The following TEKT4 variants were observed in gnomAD, a reference collection of about 807,000 sequenced individuals.
TEKT4 encodes the protein tektin 4, also known as tektin-4.
TEKT4 carries 46 observed loss-of-function variants against 46.0 expected under a neutral mutation model. The ratio of observed to expected loss-of-function variants is 1.00; its 90% confidence interval spans 0.79 to 1.28. The LOEUF is 1.28. TEKT4 is among the 50% of genes most tolerant of loss of function. The pLI, the probability that TEKT4 is intolerant of heterozygous loss-of-function variation, is 0.00. For synonymous variants in TEKT4, 325 were observed against 265.8 expected (o/e 1.22, Z -2.17); for missense variants, 790 against 622.9 (o/e 1.27, Z -2.85).
intron 4 of TEKT4, 45 bp downstream of exon 4, chr2:94,875,043 G>A (rs781891315): frequency 6.5e-7 from 1 of 1,527,898 alleles, no homozygotes; most frequent in Non-Finnish European, 8.8e-7. Flanking sequence ...TCATCACCTG[G>A]CCTGGGCCCT....
At chr2:94,873,298 A>T in intron 1 of TEKT4, 1 of 1,403,182 alleles carries the variant, frequency 7.1e-7, no homozygotes, top group Non-Finnish European at 9.3e-7. Flanking sequence ...AGCAGCCCAC[A>T]GAAGGCCCTG....
chr2:94,873,460 G>A (rs1680670238), intron 1 of TEKT4, 60 bp from the exon 2 acceptor site: 7 of 1,610,606 alleles, frequency 4.3e-6, no homozygotes, highest in African/African-American at 1.3e-5. Flanking sequence ...TGCAGCAGCT[G>A]GGCCTCCTGG....
intron 4 of TEKT4, 118 bp downstream of exon 4, chr2:94,875,116 G>A (rs1334643610): frequency 2.2e-5 from 24 of 1,073,314 alleles, no homozygotes; most frequent in East Asian, 7.8e-5. Context: ...TCTCCTCTCC[G>A]TAAACCTATG....
Position 94,874,404 on chromosome 2 carries a change from G to A in TEKT4, c.713+296G>A, listed in dbSNP as rs377202629. 1.0e-3 allele frequency among the ~76,000 whole-genome samples: 153 copies of A among 152,240 alleles called. 5 individuals carry two copies. In the East Asian group the frequency reaches 0.021, roughly 21 times the overall value. On this transcript the variant is annotated intron_variant, in intron 3 of 5. Coordinates refer to ENST00000295201, the MANE Select transcript of TEKT4 (RefSeq NM_144705.4). The stretch of plus-strand genomic sequence containing the variant: ...GAGGGAGCCTGACCACCGCCCACTA[G>A]AGGGCGGCAAACTCCTGGGAGCAAA...
At chr2:94,872,136 C>G (rs1283298437) in intron 1 of TEKT4, 59 bp downstream of exon 1, 103 of 1,475,010 alleles carry the variant, frequency 7.0e-5, no homozygotes, top group Non-Finnish European at 8.7e-5. Flanking sequence ...GCCCCCCCCC[C>G]CGCAGTTCAT....
At position 94,875,809 on chromosome 2, in the gene TEKT4, A is replaced by G. The variant is rs1206093149; in HGVS notation, c.1091+67A>G. The stretch of plus-strand genomic sequence containing the variant: ...CACCTCCTCCCTGTGACTCTCTCCA[A>G]TAAACACTCCAACACCCCGCACACA... On this transcript the variant is annotated intron_variant, in intron 5 of 5. Coordinates refer to ENST00000295201, the MANE Select transcript of TEKT4 (RefSeq NM_144705.4). 2.9e-5 allele frequency: 44 copies of G among 1,523,674 alleles called. 3 individuals are homozygous for G. In the South Asian group the frequency reaches 5.1e-4, roughly 18 times the overall value. The allele number at this position is 1,523,674 out of a possible 1,614,324, so 94.4% of individuals were successfully genotyped here. A position where few individuals can be genotyped will look rare whatever the true frequency, so the allele number is the denominator to read the frequency against.
At chr2:94,872,842 G>A in intron 1 of TEKT4, 1 of 1,289,192 alleles carries the variant, frequency 7.8e-7, no homozygotes, top group Non-Finnish European at 1.0e-6. Flanking sequence ...CTCTCTCAGT[G>A]CCTCAAGAAC....
chr2:94,874,211 C>T, intron 3 of TEKT4, 103 bp downstream of exon 3: 1 of 1,363,922 alleles, frequency 7.3e-7, no homozygotes, highest in Non-Finnish European at 1.0e-6. Context: ...CCCGGAGGCC[C>T]TCGCCCCCGA....
rs868970024 is a variant in TEKT4, at chr2:94,871,875, A to G, written c.296A>G (p.His99Arg). The change falls in exon 1 of 6, where the codon CAC becomes CGC. Residue 99 changes from histidine (H) to arginine (R), a missense_variant. Coordinates refer to ENST00000295201, the MANE Select transcript of TEKT4 (RefSeq NM_144705.4). ...GTGGGCGAGCGACTGCAGGACACGCACAGCTGGAAGTCGGAGCTGCAGCGT... is the reference window on the plus strand; with the variant it reads ...GTGGGCGAGCGACTGCAGGACACGCGCAGCTGGAAGTCGGAGCTGCAGCGT... ...RTVGERLQDT[H>R]SWKSELQREM... 6 of 1,600,380 alleles carry G rather than the reference A, an allele frequency of 3.7e-6. No individual in the cohort carries two copies. The Middle Eastern group carries it at 8.3e-4, about 221-fold the overall frequency.
At chr2:94,873,231 C>A in intron 1 of TEKT4, 1 of 1,292,474 alleles carries the variant, frequency 7.7e-7, no homozygotes, top group Non-Finnish European at 9.9e-7. Flanking sequence ...ACTGAGTGAG[C>A]AGCAGCGATG....
intron 2 of TEKT4, 79 bp downstream of exon 2, chr2:94,873,669 C>T (rs1217071792): frequency 3.8e-6 from 6 of 1,568,460 alleles, no homozygotes; most frequent in Admixed American, 3.6e-5. Context: ...AACGACAGGA[C>T]CCTGAGACTC....
intron 5 of TEKT4, 149 bp downstream of exon 5, chr2:94,875,891 G>T (rs76124177): frequency 1.2e-6 from 1 of 804,704 alleles, no homozygotes; most frequent in Non-Finnish European, 2.0e-6. Flanking sequence ...ACAACAAGCA[G>T]GCATGCCTTA....
In TEKT4 at chr2:94,874,711, C is replaced by T; in HGVS notation, c.714-65C>T. The T allele has an allele frequency of 2.8e-6, 4 of 1,416,410 alleles. No individual in the cohort carries two copies. In the South Asian group the frequency reaches 4.1e-5, roughly 15 times the overall value. The allele number at this position is 1,416,410 out of a possible 1,614,324, so 87.7% of individuals were successfully genotyped here. ...GGGGCGCGGACAGGGCATGGGGGCG[C>T]AGCAGGGCTCCCAGCCTTCGGCAGA... is the stretch of plus-strand genomic sequence containing the variant. On this transcript the variant is annotated intron_variant, in intron 3 of 5. Coordinates refer to ENST00000295201, the MANE Select transcript of TEKT4 (RefSeq NM_144705.4).
chr2:94,871,757 G>A lies in TEKT4; in HGVS notation c.178G>A (p.Asp60Asn), dbSNP rs112417266. 9.9e-6 allele frequency: 16 copies of A among 1,612,586 alleles called. No individual in the cohort carries two copies. In the East Asian group the frequency reaches 1.1e-4, roughly 11 times the overall value. The part of the protein sequence containing the change: ...ARYHQAFADR[D>N]QSERQRHESQ... ...CTACCACCAGGCCTTCGCCGACCGCGACCAGTCGGAGCGGCAGCGGCACGA... is the reference window on the plus strand; with the variant it reads ...CTACCACCAGGCCTTCGCCGACCGCAACCAGTCGGAGCGGCAGCGGCACGA... The change falls in exon 1 of 6, where the codon GAC (aspartate) becomes AAC (asparagine). Residue 60 changes from aspartate (D) to asparagine (N), a missense_variant. Physicochemically the swap from Asp to Asn is conservative, Grantham distance 23 (BLOSUM62 1). Coordinates refer to ENST00000295201, the MANE Select transcript of TEKT4 (RefSeq NM_144705.4).
rs1361166926 is a variant in TEKT4 at position 94,874,887 on chromosome 2, C to T, written c.825C>T (p.Arg275=). The change falls in exon 4 of 6, where the codon CGC becomes CGT. Residue 275 remains arginine (R), a synonymous_variant. Transcript: ENST00000295201. ...GGGTGCTGGTGGACTGCATCCTTCG[C>T]GACACCTCCGAGGACCTGCGGCTCC... is the stretch of plus-strand genomic sequence containing the variant. ...NLRVLVDCIL[R]DTSEDLRLQC... The T allele has an allele frequency of 1.9e-6, 3 of 1,610,986 alleles. No homozygotes were observed. The highest frequency in any genetic ancestry group is 1.7e-4 in the Middle Eastern group (1 of 5,870).
chr2:94,872,880 C>A (rs111968440), intron 1 of TEKT4: 1 of 1,289,334 alleles, frequency 7.8e-7, no homozygotes, highest in Middle Eastern at 2.1e-4. Flanking sequence ...ACTCTCTGCC[C>A]GCAACAAGGG....
chr2:94,871,845 GCA>G lies in TEKT4; in HGVS notation c.269_270del (p.Thr90SerfsTer18). 1.2e-6 allele frequency: 2 copies of G among 1,605,448 alleles called. No homozygotes were observed. The highest frequency in any genetic ancestry group is 1.1e-5 in the South Asian group (1 of 90,680). ...CAGCGCACGCAGCAAGACTCCACGC[GCA>G]CAGTGGGCGAGCGACTGCAGGACAC... On this transcript the variant is annotated frameshift_variant, in exon 1 of 6. Coordinates refer to ENST00000295201, the MANE Select transcript of TEKT4 (RefSeq NM_144705.4). LOFTEE classifies it high-confidence loss of function.
chr2:94,876,515 C>A, intron 5 of TEKT4, 38 bp from the exon 6 acceptor site: 4 of 1,559,172 alleles, frequency 2.6e-6, no homozygotes, highest in Non-Finnish European at 3.5e-6. Flanking sequence ...TACTTCTGCC[C>A]TCCCTAGCCC....
intron 1 of TEKT4, chr2:94,873,160 C>A (rs1192766757): frequency 1.1e-4 from 132 of 1,234,432 alleles, no homozygotes; most frequent in Non-Finnish European, 1.3e-4. Flanking sequence ...ATCTGGGCCC[C>A]CAGAGTTTGG....
Sources: gnomAD v4.1 joint callset for allele counts (sites outside exome capture counted in the v4.1 genomes callset) on GRCh38, gnomAD v4.1.1 for gene constraint, MANE v1.5 for transcripts, NCBI Gene and HGNC (gene_info 2026-07-23, HGNC 2026-07-21) for gene names.